The following BET1 variants were observed in gnomAD, a reference collection of about 807,000 sequenced individuals.
BET1 encodes BET1 homolog.
In BET1, 9 loss-of-function variants were observed where a neutral mutation model predicts 13.9. The observed-to-expected ratio is 0.65, with a 90% CI of 0.39 to 1.13. BET1 has a LOEUF of 1.13. Among genes scored for constraint, BET1 ranks in the 50% most tolerant of loss-of-function variants. The pLI is 0.01. For missense variants in BET1, 127 were observed against 133.6 expected, an observed-to-expected ratio of 0.95 and a Z score of 0.24; for synonymous variants, 39 against 47.3, an observed-to-expected ratio of 0.82 and a Z score of 0.72.
At chr7:93,978,489 C>G (rs962185120) in intron 4 of BET1, among the ~76,000 whole-genome samples, 6 of 152,140 alleles carry the variant, frequency 3.9e-5, no homozygotes, top group African/African-American at 1.4e-4. Flanking sequence ...TTTCATTTCC[C>G]CCTTGATGCA....
chr7:93,982,923 T>C (rs1795452444), intron 4 of BET1, among the ~76,000 whole-genome samples: 1 of 152,186 alleles, frequency 6.6e-6, no homozygotes, highest in African/African-American at 2.4e-5. Flanking sequence ...TGTACATTTC[T>C]CATAATACGA....
rs1795770728 is a variant in BET1 at position 93,996,325 on chromosome 7, T to C, written c.145-4A>G. ...CATGGCCTATTTCAATGGAAAGCTATAAAGAAGAAGGTATACACAGGATTA... is the reference window on the plus strand; with the variant it reads ...CATGGCCTATTTCAATGGAAAGCTACAAAGAAGAAGGTATACACAGGATTA... On this transcript the variant is annotated splice_region_variant and splice_polypyrimidine_tract_variant and intron_variant, in intron 2 of 3. Coordinates refer to ENST00000222547, the MANE Select transcript of BET1 (RefSeq NM_005868.6). The C allele has an allele frequency of 2.6e-6, 4 of 1,564,616 alleles. No homozygotes were observed. The highest frequency in any genetic ancestry group is 2.6e-6 in the Non-Finnish European group (3 of 1,150,972).
chr7:93,987,039 A>G (rs538043809), intron 4 of BET1: 1 of 152,232 alleles, frequency 6.6e-6, no homozygotes, highest in South Asian at 2.1e-4. Context: ...TAAGGACAAA[A>G]TCAATCACCT....
rs1801811237 is a variant in BET1, at chr7:93,994,010, C to T, written c.*220G>A. 4.0e-6 allele frequency: 6 copies of T among 1,510,212 alleles called. No individual in the cohort carries two copies. The Admixed American group carries it at 1.3e-4, about 32-fold the overall frequency. 93.6% of individuals were successfully genotyped at this position (1,510,212 alleles called of 1,614,324 possible). Reference sequence around the variant, plus strand: ...GGAAATTAGTGGAGCCACACCCTCTCACTACCCCTGAAAATAGGGGCTAAA... The same window carrying T: ...GGAAATTAGTGGAGCCACACCCTCTTACTACCCCTGAAAATAGGGGCTAAA... On this transcript the variant is annotated 3_prime_UTR_variant, in exon 4 of 4. Transcript: ENST00000222547.
downstream of BET1, among the ~76,000 whole-genome samples, chr7:93,989,360 T>C (rs1452410617): frequency 6.6e-6 from 1 of 152,132 alleles, no homozygotes; most frequent in Non-Finnish European, 1.5e-5. Flanking sequence ...ATTAGAATGC[T>C]GTTATTCTAT....
At chr7:94,001,993 T>C (rs1795916622) in intron 1 of BET1, among the ~76,000 whole-genome samples, 1 of 152,220 alleles carries the variant, frequency 6.6e-6, no homozygotes, top group African/African-American at 2.4e-5. Flanking sequence ...TCAATGCACA[T>C]TCCTATTAAA....
downstream of BET1, chr7:93,993,186 A>T (rs1795675819): frequency 1.0e-6 from 1 of 985,142 alleles, no homozygotes; most frequent in Non-Finnish European, 1.2e-6. Context: ...TTGGAATCTG[A>T]GTTGTCAGGA....
chr7:93,983,397 C>G (rs1481979448), intron 4 of BET1, among the ~76,000 whole-genome samples: 2 of 151,994 alleles, frequency 1.3e-5, no homozygotes, highest in Non-Finnish European at 2.9e-5. Flanking sequence ...ATGAACTGGT[C>G]TCTGATTCAT....
At chr7:93,967,983 G>A (rs958756654) in intron 6 of BET1, among the ~76,000 whole-genome samples, 1 of 151,722 alleles carries the variant, frequency 6.6e-6, no homozygotes, top group African/African-American at 2.4e-5. Context: ...CTTCATGTGG[G>A]ATGTTAAAAT....
intron 4 of BET1, among the ~76,000 whole-genome samples, chr7:93,981,547 C>G (rs1795429355): frequency 1.3e-5 from 2 of 152,076 alleles, no homozygotes; most frequent in South Asian, 4.1e-4. Context: ...GAAAGGGGAC[C>G]AAAATGCAAA....
chr7:93,985,722 A>G (rs948570257), intron 4 of BET1, among the ~76,000 whole-genome samples: 1 of 152,214 alleles, frequency 6.6e-6, no homozygotes, highest in African/African-American at 2.4e-5. Context: ...TGCTTTTAAC[A>G]GAGCAATGAT....
intron 6 of BET1, among the ~76,000 whole-genome samples, chr7:93,966,520 AGT>A (rs1294097450): frequency 2.6e-5 from 4 of 151,736 alleles, no homozygotes; most frequent in Non-Finnish European, 4.4e-5. Flanking sequence ...TTCCTTTTCT[AGT>A]GCTTGTTTTA....
intron 4 of BET1, among the ~76,000 whole-genome samples, chr7:93,987,967 GC>G (rs1795558409): frequency 6.6e-6 from 1 of 152,016 alleles, no homozygotes; most frequent in Admixed American, 6.6e-5. Flanking sequence ...TAATCTAATG[GC>G]TAAAATATTG....
intron 6 of BET1, chr7:93,965,722 A>G (rs1795162119): frequency 6.6e-6 from 1 of 152,112 alleles, no homozygotes; most frequent in African/African-American, 2.4e-5. Context: ...AAGTATAAGT[A>G]ATAAAATATG....
chr7:93,999,714 G>T, intron 1 of BET1: 1 of 456,626 alleles, frequency 2.2e-6, no homozygotes, highest in South Asian at 1.5e-5. Flanking sequence ...ACAGAAGGAC[G>T]GGAGCTCATA....
intron 4 of BET1, among the ~76,000 whole-genome samples, chr7:93,985,781 A>T (rs1795517995): frequency 6.6e-6 from 1 of 152,142 alleles, no homozygotes; most frequent in African/African-American, 2.4e-5. Flanking sequence ...GGACCCAATG[A>T]ATATGGACAC....
At chr7:93,974,222 C>T (rs1584126235) in intron 5 of BET1, among the ~76,000 whole-genome samples, 1 of 151,898 alleles carries the variant, frequency 6.6e-6, no homozygotes, top group Non-Finnish European at 1.5e-5. Context: ...CTGACATAAA[C>T]TTAGACATAT....
intron 6 of BET1, among the ~76,000 whole-genome samples, chr7:93,966,725 A>T (rs1795179802): frequency 6.6e-6 from 1 of 151,566 alleles, no homozygotes; most frequent in Non-Finnish European, 1.5e-5. Flanking sequence ...AGTATGATAG[A>T]GCTATTTGGA....
At chr7:93,963,877 C>T (rs1267014987) in exon 7 of BET1, 1 of 151,956 alleles carries the variant, frequency 6.6e-6, no homozygotes, top group African/African-American at 2.4e-5. Context: ...CAGCCTTCAA[C>T]CAACATAGTG....
Sources: gnomAD v4.1 joint callset for allele counts (sites outside exome capture counted in the v4.1 genomes callset) on GRCh38, gnomAD v4.1.1 for gene constraint, MANE v1.5 for transcripts, NCBI Gene and HGNC (gene_info 2026-07-23, HGNC 2026-07-21) for gene names.